The following GRIK3 variants were observed in gnomAD, a reference collection of about 807,000 sequenced individuals.
GRIK3 encodes glutamate receptor ionotropic, kainate 3.
In GRIK3, 29 loss-of-function variants were observed where a neutral mutation model predicts 102.5. The observed-to-expected ratio is 0.28, with a 90% CI of 0.21 to 0.39. The LOEUF is 0.39. GRIK3 is among the 10% of genes least tolerant of loss of function. The pLI, the probability that GRIK3 is intolerant of heterozygous loss-of-function variation, is 1.00. For missense variants in GRIK3, 908 were observed against 1,252.4 expected (o/e 0.73, Z 4.15); for synonymous variants, 511 against 504.9 (o/e 1.01, Z -0.16).
At chr1:36,815,533 A>G (rs1369455170) in intron 13 of GRIK3, among the ~76,000 whole-genome samples, 1 of 152,238 alleles carries the variant, frequency 6.6e-6, no homozygotes, top group African/African-American at 2.4e-5. Flanking sequence ...GATTGAGAGC[A>G]GTTGATTAAT....
At position 36,973,724 on chromosome 1, in the gene GRIK3, G is replaced by A. The variant is rs186866254; in HGVS notation, c.115+60270C>T. ...GATTACAGGCATGAGCCACCGCGCT[G>A]GGCCTAGACATCACTTCTTTAGGGA... is the stretch of plus-strand genomic sequence containing the variant. On this transcript the variant is annotated intron_variant, in intron 1 of 15. Transcript: ENST00000373091. 3.9e-5 allele frequency among the ~76,000 whole-genome samples: 6 copies of A among 151,908 alleles called. No individual in the cohort carries two copies. The East Asian group carries it at 5.8e-4, about 15-fold the overall frequency.
At chr1:36,915,022 T>C (rs1641383578) in intron 1 of GRIK3, among the ~76,000 whole-genome samples, 1 of 152,220 alleles carries the variant, frequency 6.6e-6, no homozygotes, top group Admixed American at 6.5e-5. Flanking sequence ...TGGATCTTCA[T>C]AAGTTCGTGC....
intron 15 of GRIK3, chr1:36,804,682 T>C (rs493106): frequency 0.16 from 78,492 of 501,512 alleles, 7,208 homozygotes; most frequent in African/African-American, 0.31. Context: ...TTAAACAAGG[T>C]ACCAGTTGCT....
At chr1:37,026,716 G>T (rs904690036) in intron 1 of GRIK3, among the ~76,000 whole-genome samples, 4 of 152,088 alleles carry the variant, frequency 2.6e-5, no homozygotes, top group African/African-American at 7.2e-5. Context: ...AAGCTCAGAG[G>T]TGCGGTGACT....
Position 36,825,824 on chromosome 1 carries a change from C to T in GRIK3, c.1533G>A (p.Lys511=), listed in dbSNP as rs772300555. ...NGMVKELIDH[K]ADLAVAPLTI... ...TCAGGGGGGCCACGGCCAGATCTGC[C>T]TTCTGCAACCAGACAGAGAGAGAAA... Residue 511 remains lysine, a splice_region_variant and synonymous_variant, in exon 11 of 16, where the codon AAG becomes AAA. Transcript: ENST00000373091. 3.7e-6 allele frequency: 6 copies of T among 1,602,888 alleles called. No individual in the cohort carries two copies. The highest frequency in any genetic ancestry group is 5.1e-6 in the Non-Finnish European group (6 of 1,173,318).
chr1:36,835,346 G>A (rs1478576344), intron 10 of GRIK3, among the ~76,000 whole-genome samples: 1 of 152,228 alleles, frequency 6.6e-6, no homozygotes, highest in Non-Finnish European at 1.5e-5. Flanking sequence ...GCCAAACCCA[G>A]AATGCATGGG....
At chr1:36,995,752 CT>C (rs1642412733) in intron 1 of GRIK3, among the ~76,000 whole-genome samples, 1 of 152,202 alleles carries the variant, frequency 6.6e-6, no homozygotes, top group Non-Finnish European at 1.5e-5. Flanking sequence ...TCCCAGTTCT[CT>C]GAGATCCCCG....
chr1:36,807,236 C>T (rs980613601), intron 13 of GRIK3, among the ~76,000 whole-genome samples: 31 of 152,154 alleles, frequency 2.0e-4, no homozygotes, highest in African/African-American at 6.0e-4. Flanking sequence ...AGAGAGGTCA[C>T]TGGGGCCAGG....
chr1:36,845,014 T>A (rs1328647645), intron 9 of GRIK3, among the ~76,000 whole-genome samples: 1 of 152,190 alleles, frequency 6.6e-6, no homozygotes, highest in Non-Finnish European at 1.5e-5. Context: ...TCCATATAAA[T>A]ACGCTGCCTT....
intron 1 of GRIK3, among the ~76,000 whole-genome samples, chr1:36,964,525 C>G (rs1317273729): frequency 6.6e-6 from 1 of 152,230 alleles, no homozygotes; most frequent in East Asian, 1.9e-4. Flanking sequence ...TGGACCAGGG[C>G]TCCCTGTATG....
intron 1 of GRIK3, among the ~76,000 whole-genome samples, chr1:36,940,509 T>C (rs1044638627): frequency 2.6e-5 from 4 of 152,242 alleles, no homozygotes; most frequent in Non-Finnish European, 5.9e-5. Flanking sequence ...TAAATATTCA[T>C]GGGGGACCTG....
intron 1 of GRIK3, among the ~76,000 whole-genome samples, chr1:36,924,559 G>C (rs940559179): frequency 1.3e-5 from 2 of 152,140 alleles, no homozygotes; most frequent in Non-Finnish European, 2.9e-5. Flanking sequence ...CTGGGTACCC[G>C]GTTGGGGGAG....
chr1:36,946,499 C>T (rs552081983), intron 1 of GRIK3, among the ~76,000 whole-genome samples: 1 of 152,356 alleles, frequency 6.6e-6, no homozygotes, highest in African/African-American at 2.4e-5. Flanking sequence ...TGCCCATTAT[C>T]AGGAAGGACT....
chr1:37,023,191 G>T (rs530195718), intron 1 of GRIK3, among the ~76,000 whole-genome samples: 19 of 152,182 alleles, frequency 1.2e-4, no homozygotes, highest in African/African-American at 4.6e-4. Context: ...GCCAGGCATG[G>T]TGGCATGCAC....
At chr1:37,003,626 T>C (rs1461053434) in intron 1 of GRIK3, among the ~76,000 whole-genome samples, 4 of 152,238 alleles carry the variant, frequency 2.6e-5, no homozygotes, top group African/African-American at 9.6e-5. Flanking sequence ...AGTCAGCTTC[T>C]GGCTTTTCTG....
intron 1 of GRIK3, among the ~76,000 whole-genome samples, chr1:36,950,229 G>A (rs1160521788): frequency 2.0e-5 from 3 of 152,200 alleles, no homozygotes; most frequent in Non-Finnish European, 4.4e-5. Flanking sequence ...AGATAGCACA[G>A]CTGAGACACG....
intron 1 of GRIK3, among the ~76,000 whole-genome samples, chr1:36,984,904 G>T (rs822856): frequency 0.68 from 103,239 of 152,064 alleles, 35,821 homozygotes; most frequent in East Asian, 0.89. Flanking sequence ...AGTGGGCAGC[G>T]GAGGGGGTGG....
intron 4 of GRIK3, among the ~76,000 whole-genome samples, chr1:36,871,168 C>T (rs1640838600): frequency 6.6e-6 from 1 of 152,168 alleles, no homozygotes; most frequent in African/African-American, 2.4e-5. Context: ...ACTCCTGGGC[C>T]TCTTGCTCCA....
chr1:36,840,622 G>A (rs1640436042), intron 10 of GRIK3, among the ~76,000 whole-genome samples: 1 of 151,704 alleles, frequency 6.6e-6, no homozygotes, highest in South Asian at 2.1e-4. Context: ...AGCTACTCAG[G>A]AGACTAAGGC....
Sources: gnomAD v4.1 joint callset for allele counts (sites outside exome capture counted in the v4.1 genomes callset) on GRCh38, gnomAD v4.1.1 for gene constraint, MANE v1.5 for transcripts, NCBI Gene and HGNC (gene_info 2026-07-23, HGNC 2026-07-21) for gene names.